RBFOX1: variants seen among roughly 807,000 people sequenced by gnomAD.
The protein encoded by RBFOX1 is RNA binding protein fox-1 homolog 1.
A neutral mutation model predicts 57.7 loss-of-function variants in RBFOX1; 8 were observed. The observed-to-expected ratio is 0.14, with a 90% CI of 0.08 to 0.25. RBFOX1 has a LOEUF of 0.25. RBFOX1 is among the 10% of genes least tolerant of loss of function. RBFOX1 has a pLI of 1.00. For missense variants in RBFOX1, 611 were observed against 548.5 expected (o/e 1.11, Z -1.14); for synonymous variants, 326 against 222.4 (o/e 1.47, Z -4.15).
At chr16:6,967,361 C>T (rs570089515) in intron 3 of RBFOX1, among the ~76,000 whole-genome samples, 8 of 152,232 alleles carry the variant, frequency 5.3e-5, no homozygotes, top group African/African-American at 1.7e-4. Context: ...TCTCATGTTC[C>T]TTGAGCAGGG....
chr16:6,203,979 TC>T (rs2097235461), intron 1 of RBFOX1, among the ~76,000 whole-genome samples: 1 of 135,662 alleles, frequency 7.4e-6, no homozygotes, highest in South Asian at 2.4e-4. Context: ...CTGTTTTGTT[TC>T]TTTTTTTTTT....
intron 4 of RBFOX1, among the ~76,000 whole-genome samples, chr16:5,919,392 G>C (rs1176679967): frequency 6.6e-6 from 1 of 152,042 alleles, no homozygotes; most frequent in Non-Finnish European, 1.5e-5. Context: ...TCCTAGGCTG[G>C]AGTGCAATGG....
intron 3 of RBFOX1, among the ~76,000 whole-genome samples, chr16:5,816,000 G>C (rs1256097175): frequency 6.6e-6 from 1 of 152,192 alleles, no homozygotes; most frequent in Non-Finnish European, 1.5e-5. Flanking sequence ...TACAACCCTT[G>C]GGATTTCTGG....
chr16:7,391,043 T>G lies in RBFOX1; in HGVS notation c.28-127104T>G, dbSNP rs1208794125. Reference sequence around the variant, plus strand: ...TTTTTGGAGGCTCATTGGTAAGCCTTGTTGTGCCTGTTCCTTCTGCTCCTA... The same window carrying G: ...TTTTTGGAGGCTCATTGGTAAGCCTGGTTGTGCCTGTTCCTTCTGCTCCTA... On this transcript the variant is annotated intron_variant, in intron 4 of 15. Transcript: ENST00000550418. Among the ~76,000 whole-genome samples the G allele has an allele frequency of 3.3e-5, 5 of 152,262 alleles. 1 individual carries two copies. The East Asian group carries it at 9.6e-4, about 29-fold the overall frequency.
At chr16:7,589,960 C>T (rs1051433782) in intron 7 of RBFOX1, among the ~76,000 whole-genome samples, 2 of 77,364 alleles carry the variant, frequency 2.6e-5, no homozygotes, top group Non-Finnish European at 7.1e-5. Flanking sequence ...TGTATGCGGA[C>T]ATATAAACCC....
Position 5,456,349 on chromosome 16 carries a change from C to G in RBFOX1, c.220-10867C>G, listed in dbSNP as rs1029450857. Among the ~76,000 whole-genome samples, 3 of 152,162 alleles carry G rather than the reference C, an allele frequency of 2.0e-5. No homozygotes were observed. The East Asian group carries it at 5.8e-4, about 29-fold the overall frequency. ...TCATGTAGGGAGAAAAAAAGTGAAA[C>G]TCGCCTTGTCTGTCATCATGTTTTC... On this transcript the variant is annotated intron_variant, in intron 1 of 2. Coordinates refer to the RBFOX1 transcript ENST00000585867.
chr16:6,672,917 C>T (rs996707339), intron 3 of RBFOX1, among the ~76,000 whole-genome samples: 1 of 152,220 alleles, frequency 6.6e-6, no homozygotes, highest in Non-Finnish European at 1.5e-5. Context: ...TCCCCCTAGA[C>T]CCCAGGCAAG....
At chr16:7,635,898 C>T (rs1294723985) in intron 11 of RBFOX1, among the ~76,000 whole-genome samples, 1 of 152,188 alleles carries the variant, frequency 6.6e-6, no homozygotes, top group African/African-American at 2.4e-5. Context: ...GCAAACTCCA[C>T]CTCCTGGGTT....
intron 3 of RBFOX1, among the ~76,000 whole-genome samples, chr16:6,984,759 G>C (rs2089849718): frequency 6.6e-6 from 1 of 152,064 alleles, no homozygotes; most frequent in African/African-American, 2.4e-5. Context: ...TCCTGCCTCA[G>C]CCTCCTGAGT....
chr16:6,529,974 G>C (rs905614214), intron 2 of RBFOX1, among the ~76,000 whole-genome samples: 11 of 151,914 alleles, frequency 7.2e-5, no homozygotes, highest in Admixed American at 1.3e-4. Context: ...CAACTTTCTG[G>C]TCCCTTTTGG....
chr16:7,451,990 G>C (rs1465864525), intron 4 of RBFOX1, among the ~76,000 whole-genome samples: 1 of 152,192 alleles, frequency 6.6e-6, no homozygotes, highest in African/African-American at 2.4e-5. Context: ...GAGAGACAAA[G>C]AGACTAGTAC....
chr16:6,830,095 T>C lies in RBFOX1; in HGVS notation c.-16+175445T>C, dbSNP rs570431507. Among the ~76,000 whole-genome samples, 7 of 150,256 alleles carry C rather than the reference T, an allele frequency of 4.7e-5. No individual in the cohort carries two copies. The South Asian group carries it at 1.5e-3, about 32-fold the overall frequency. ...CCAAGCCTGGCTAATTTTTGTATTT[T>C]TAATGGAGACAAGGTTTTACCATGT... is the stretch of plus-strand genomic sequence containing the variant. On this transcript the variant is annotated intron_variant, in intron 3 of 15. Coordinates refer to ENST00000550418, the MANE Select transcript of RBFOX1 (RefSeq NM_018723.4).
intron 14 of RBFOX1, among the ~76,000 whole-genome samples, chr16:7,702,949 C>G (rs2081250276): frequency 6.6e-6 from 1 of 152,168 alleles, no homozygotes; most frequent in Admixed American, 6.5e-5. Context: ...TGCAGGTTAC[C>G]TTCTGATGTC....
At chr16:7,223,360 G>T (rs1207750363) in intron 4 of RBFOX1, among the ~76,000 whole-genome samples, 2 of 152,210 alleles carry the variant, frequency 1.3e-5, no homozygotes, top group Admixed American at 1.3e-4. Flanking sequence ...GCTAGAAAGG[G>T]CTTCAGAGTT....
intron 2 of RBFOX1, among the ~76,000 whole-genome samples, chr16:6,651,680 A>G (rs190902757): frequency 3.3e-5 from 5 of 152,278 alleles, no homozygotes; most frequent in Admixed American, 2.0e-4. Context: ...TTGAATTACC[A>G]TAGGGTTTGG....
At chr16:5,505,248 G>C (rs1222292347) in intron 2 of RBFOX1, among the ~76,000 whole-genome samples, 2 of 152,182 alleles carry the variant, frequency 1.3e-5, no homozygotes, top group Non-Finnish European at 2.9e-5. Context: ...TTCCACCTCT[G>C]TGCTTAACGC....
chr16:5,631,506 G>A (rs7197478), intron 3 of RBFOX1, among the ~76,000 whole-genome samples: 75,188 of 151,182 alleles, frequency 0.5, 22,008 homozygotes, highest in Non-Finnish European at 0.67. Flanking sequence ...GCAGTGAGCC[G>A]AGATCGCACC....
At chr16:6,030,024 C>T (rs1045131199) in intron 1 of RBFOX1, among the ~76,000 whole-genome samples, 1 of 152,168 alleles carries the variant, frequency 6.6e-6, no homozygotes, top group Non-Finnish European at 1.5e-5. Flanking sequence ...AGTGATCCCA[C>T]CTCAGCCTCT....
intron 5 of RBFOX1, among the ~76,000 whole-genome samples, chr16:7,525,223 C>G (rs7197753): frequency 2.6e-5 from 4 of 152,162 alleles, no homozygotes; most frequent in Admixed American, 1.3e-4. Flanking sequence ...AATCTAAACA[C>G]CTACTTTGGC....
Sources: allele counts gnomAD v4.1 joint callset (sites outside exome capture counted in the v4.1 genomes callset), GRCh38; gene constraint gnomAD v4.1.1; transcripts MANE v1.5; gene names NCBI Gene and HGNC (gene_info 2026-07-23, HGNC 2026-07-21).